The following EDIL3 variants were observed in gnomAD, a reference collection of about 807,000 sequenced individuals.
EDIL3 encodes the protein EGF-like repeat and discoidin I-like domain-containing protein 3.
EDIL3 carries 37 observed loss-of-function variants against 67.4 expected under a neutral mutation model. That is an observed-to-expected ratio of 0.55 (90% CI 0.42 to 0.72). The LOEUF is 0.72. Ranked by LOEUF, EDIL3 falls within the 30% of genes least tolerant of loss-of-function variation. The probability of loss-of-function intolerance (pLI) is 0.00; values close to 1 mark genes in which losing one functional copy is unlikely to be tolerated. For synonymous variants in EDIL3, 195 were observed against 196.3 expected, an observed-to-expected ratio of 0.99 and a Z score of 0.05; for missense variants, 527 against 586.3, an observed-to-expected ratio of 0.90 and a Z score of 1.04.
chr5:84,125,766 C>A (rs1474129493), intron 5 of EDIL3, among the ~76,000 whole-genome samples: 1 of 151,986 alleles, frequency 6.6e-6, no homozygotes, highest in African/African-American at 2.4e-5. Flanking sequence ...CTGCATTATT[C>A]TAAAGTGATG....
In EDIL3 at chr5:84,183,017, GA is replaced by G. The variant is rs372547279; in HGVS notation, c.227-2497del. On this transcript the variant is annotated intron_variant, in intron 3 of 10. Transcript: ENST00000296591. ...CCATTTTCTTTCATTGCTACAAAAT[GA>G]AAATCATGCTGCAGAACCTATCTCT... Among the ~76,000 whole-genome samples the G allele has an allele frequency of 9.2e-3, 1,406 of 152,204 alleles. 15 individuals are homozygous for G. Among genetic ancestry groups the G allele is most frequent in the African/African-American group, 0.028 (1,181 of 41,530 alleles).
At chr5:84,185,796 A>G (rs1264078650) in intron 3 of EDIL3, among the ~76,000 whole-genome samples, 1 of 152,148 alleles carries the variant, frequency 6.6e-6, no homozygotes, top group Non-Finnish European at 1.5e-5. Flanking sequence ...ACAGACCATT[A>G]GAATGTGTAC....
intron 1 of EDIL3, among the ~76,000 whole-genome samples, chr5:84,361,269 C>T (rs1747589866): frequency 1.4e-5 from 1 of 73,496 alleles, no homozygotes; most frequent in Non-Finnish European, 3.0e-5. Context: ...AAGGTCATTA[C>T]AACACACACA....
chr5:84,371,402 TA>T (rs1469748387), intron 1 of EDIL3, among the ~76,000 whole-genome samples: 1 of 143,900 alleles, frequency 6.9e-6, no homozygotes, highest in African/African-American at 2.5e-5. Flanking sequence ...TGTGTATATA[TA>T]TGTGTGTATA....
chr5:84,080,376 A>G (rs1241913462), intron 6 of EDIL3, among the ~76,000 whole-genome samples: 2 of 151,608 alleles, frequency 1.3e-5, no homozygotes, highest in Non-Finnish European at 1.5e-5. Flanking sequence ...ACCACCTCCA[A>G]ATCAGCAACA....
chr5:84,181,938 G>A (rs1749020787), intron 3 of EDIL3, among the ~76,000 whole-genome samples: 1 of 152,168 alleles, frequency 6.6e-6, no homozygotes, highest in South Asian at 2.1e-4. Flanking sequence ...GTATCTGACT[G>A]TGTATGAAGA....
intron 3 of EDIL3, among the ~76,000 whole-genome samples, chr5:84,187,015 GGT>G: frequency 6.6e-6 from 1 of 152,062 alleles, no homozygotes; most frequent in African/African-American, 2.4e-5. Flanking sequence ...AGACAACAAT[GGT>G]AATATCACTC....
At chr5:84,246,827 CAG>C (rs1311854520) in intron 2 of EDIL3, among the ~76,000 whole-genome samples, 2 of 151,992 alleles carry the variant, frequency 1.3e-5, no homozygotes, top group African/African-American at 4.8e-5. Flanking sequence ...ATTAATAAAG[CAG>C]AAATATTTTT....
intron 1 of EDIL3, among the ~76,000 whole-genome samples, chr5:84,374,772 A>C (rs903005291): frequency 2.6e-5 from 4 of 152,008 alleles, no homozygotes; most frequent in African/African-American, 9.7e-5. Context: ...AGTTCTCAGG[A>C]GATTAGATGG....
chr5:84,289,784 T>C (rs1745878595), intron 1 of EDIL3, among the ~76,000 whole-genome samples: 1 of 152,204 alleles, frequency 6.6e-6, no homozygotes, highest in African/African-American at 2.4e-5. Flanking sequence ...TTATCAGAAA[T>C]GAATACGCTT....
intron 6 of EDIL3, among the ~76,000 whole-genome samples, chr5:84,088,582 T>A (rs557644404): frequency 2.6e-5 from 4 of 152,236 alleles, no homozygotes; most frequent in Non-Finnish European, 5.9e-5. Context: ...GAGACCTGCA[T>A]TGAACATAGT....
chr5:84,145,401 G>C (rs2112324711), intron 4 of EDIL3, among the ~76,000 whole-genome samples: 1 of 152,216 alleles, frequency 6.6e-6, no homozygotes, highest in African/African-American at 2.4e-5. Context: ...TGGCGACCAT[G>C]TAGTCTGGGA....
chr5:83,969,460 C>T (rs1335727035), intron 9 of EDIL3, among the ~76,000 whole-genome samples: 1 of 151,774 alleles, frequency 6.6e-6, no homozygotes, highest in East Asian at 1.9e-4. Flanking sequence ...GACTATATAA[C>T]ATTCCGTATT....
intron 1 of EDIL3, among the ~76,000 whole-genome samples, chr5:84,256,280 G>C (rs567337503): frequency 1.3e-5 from 2 of 152,222 alleles, no homozygotes; most frequent in South Asian, 4.1e-4. Context: ...ACTGAGGTAA[G>C]TGCTGTATAT....
At chr5:84,156,816 G>C (rs1189373143) in intron 4 of EDIL3, among the ~76,000 whole-genome samples, 2 of 152,116 alleles carry the variant, frequency 1.3e-5, no homozygotes, top group African/African-American at 4.8e-5. Flanking sequence ...CTTGGTCCCA[G>C]AGTTTGTTCA....
chr5:84,186,694 A>C (rs1018864981), intron 3 of EDIL3, among the ~76,000 whole-genome samples: 6 of 152,098 alleles, frequency 3.9e-5, no homozygotes, highest in African/African-American at 1.4e-4. Flanking sequence ...CATTTGAGGC[A>C]TCTCATATAG....
intron 4 of EDIL3, among the ~76,000 whole-genome samples, chr5:84,149,185 G>T (rs1748343215): frequency 6.6e-6 from 1 of 151,686 alleles, no homozygotes; most frequent in Non-Finnish European, 1.5e-5. Context: ...TACCCAACAG[G>T]AGAGAACTAC....
At chr5:83,963,646 T>C (rs1448093310) in intron 9 of EDIL3, among the ~76,000 whole-genome samples, 2 of 144,640 alleles carry the variant, frequency 1.4e-5, no homozygotes, top group Non-Finnish European at 3.0e-5. Context: ...GATTCATCTA[T>C]TTGTGCAGGT....
In EDIL3 at chr5:84,193,712, C is replaced by T. The variant is rs988428885; in HGVS notation, c.227-13191G>A. Among the ~76,000 whole-genome samples, 5 of 152,026 alleles carry T rather than the reference C, an allele frequency of 3.3e-5. No individual in the cohort carries two copies. In the East Asian group the frequency reaches 9.7e-4, roughly 30 times the overall value. ...TAGTAGGGATGTGGTATCATTCTGG[C>T]ACATTACTGCTTTGTGGTATTAATG... On this transcript the variant is annotated intron_variant, in intron 3 of 10. Coordinates refer to ENST00000296591, the MANE Select transcript of EDIL3 (RefSeq NM_005711.5).
Sources: allele counts gnomAD v4.1 joint callset (sites outside exome capture counted in the v4.1 genomes callset), GRCh38; gene constraint gnomAD v4.1.1; transcripts MANE v1.5; gene names NCBI Gene and HGNC (gene_info 2026-07-23, HGNC 2026-07-21).